The following CAMK4 variants were observed in gnomAD, a reference collection of about 807,000 sequenced individuals.
The protein encoded by CAMK4 is calcium/calmodulin dependent protein kinase IV.
Under a neutral mutation model 44.9 loss-of-function variants are expected in CAMK4, and 22 were observed. The observed-to-expected ratio is 0.49, with a 90% CI of 0.35 to 0.70. The LOEUF is 0.70. Ranked by LOEUF, CAMK4 falls within the 30% of genes least tolerant of loss-of-function variation. The pLI, the probability that CAMK4 is intolerant of heterozygous loss-of-function variation, is 0.01. For missense variants in CAMK4, 498 were observed against 586.8 expected, an observed-to-expected ratio of 0.85 and a Z score of 1.56; for synonymous variants, 218 against 215.4, an observed-to-expected ratio of 1.01 and a Z score of -0.11.
intron 1 of CAMK4, among the ~76,000 whole-genome samples, chr5:111,292,534 C>T (rs1747317463): frequency 6.6e-6 from 1 of 151,946 alleles, no homozygotes; most frequent in African/African-American, 2.4e-5. Context: ...ACTATAACCT[C>T]AGAAAAAGAC....
intron 5 of CAMK4, among the ~76,000 whole-genome samples, chr5:111,399,246 GT>G (rs1191810514): frequency 6.6e-6 from 1 of 152,110 alleles, no homozygotes; most frequent in Non-Finnish European, 1.5e-5. Context: ...CAGAGTAGTT[GT>G]CATTTCCTGC....
chr5:111,357,741 C>A (rs957211199), intron 2 of CAMK4, among the ~76,000 whole-genome samples: 1 of 152,070 alleles, frequency 6.6e-6, no homozygotes. Context: ...TATGTCATGT[C>A]ACTCACTTTA....
At chr5:111,326,512 A>C (rs1195820491) in intron 1 of CAMK4, among the ~76,000 whole-genome samples, 1 of 151,924 alleles carries the variant, frequency 6.6e-6, no homozygotes, top group Non-Finnish European at 1.5e-5. Flanking sequence ...ATTCTACAAA[A>C]GCCTTAAAAA....
At chr5:111,377,854 T>C (rs934951214) in intron 4 of CAMK4, among the ~76,000 whole-genome samples, 2 of 152,074 alleles carry the variant, frequency 1.3e-5, no homozygotes, top group African/African-American at 4.8e-5. Flanking sequence ...GAGGGAACCA[T>C]TGATGTACCC....
Position 111,493,614 on chromosome 5 carries a change from A to T in CAMK4, c.*9148A>T, listed in dbSNP as rs1281908595. ...GCTAAGTCTCAGGCAACAAAATTTA[A>T]AACCATCAGAACTTGTTTCTCCAAA... On this transcript the variant is annotated 3_prime_UTR_variant, in exon 11 of 11. Coordinates refer to ENST00000282356, the MANE Select transcript of CAMK4 (RefSeq NM_001744.6). The surrounding 1 kb of genome is among the most constrained non-coding windows in gnomAD (Gnocchi z 4.1). 1 of 152,188 alleles carries T rather than the reference A, an allele frequency of 6.6e-6. No individual in the cohort carries two copies. Among genetic ancestry groups the T allele is most frequent in the African/African-American group, 2.4e-5 (1 of 41,430 alleles). 9.4% of individuals were successfully genotyped at this position (152,188 alleles called of 1,614,324 possible).
At chr5:111,280,646 C>T (rs901368208) in intron 1 of CAMK4, among the ~76,000 whole-genome samples, 1 of 152,174 alleles carries the variant, frequency 6.6e-6, no homozygotes, top group Admixed American at 6.5e-5. Flanking sequence ...GATCTCCAAA[C>T]TGAAAGGTTT....
At chr5:111,433,368 T>C (rs1241029231) in intron 5 of CAMK4, among the ~76,000 whole-genome samples, 1 of 152,200 alleles carries the variant, frequency 6.6e-6, no homozygotes, top group South Asian at 2.1e-4. Flanking sequence ...AGCACTACAC[T>C]TGATGAAACT....
intron 1 of CAMK4, among the ~76,000 whole-genome samples, chr5:111,343,260 C>T (rs914418543): frequency 2.6e-5 from 4 of 151,576 alleles, no homozygotes; most frequent in South Asian, 2.1e-4. Flanking sequence ...ACCATGGGAC[C>T]GAGTATAAGA....
rs781124981 is a variant in CAMK4 at position 111,446,741 on chromosome 5, A to G, written c.515A>G (p.Tyr172Cys). 2 of 1,609,810 alleles carry G rather than the reference A, an allele frequency of 1.2e-6. No individual in the cohort carries two copies. The highest frequency in any genetic ancestry group is 1.7e-5 in the Admixed American group (1 of 59,914). The stretch of plus-strand genomic sequence containing the variant: ...GATCTCAAACCAGAGAATCTTCTTT[A>G]TGCAACTCCAGCCCCAGATGCACCA... ...HRDLKPENLL[Y>C]ATPAPDAPLK... The change falls in exon 6 of 11, where the codon TAT becomes TGT. Residue 172 changes from tyrosine to cysteine, a missense_variant. By Grantham distance (194) the Tyr-to-Cys change is radical. This residue lies in a region of CAMK4 where 203 missense variants were observed against 298.2 expected (regional missense o/e 0.68). Coordinates refer to ENST00000282356, the MANE Select transcript of CAMK4 (RefSeq NM_001744.6).
intron 1 of CAMK4, among the ~76,000 whole-genome samples, chr5:111,287,566 A>G (rs1311977414): frequency 1.3e-5 from 2 of 152,200 alleles, no homozygotes; most frequent in Non-Finnish European, 2.9e-5. Context: ...TACTAATACG[A>G]TAGTCATATT....
chr5:111,354,931 C>T (rs1328948597), intron 2 of CAMK4, among the ~76,000 whole-genome samples: 1 of 152,026 alleles, frequency 6.6e-6, no homozygotes, highest in African/African-American at 2.4e-5. Flanking sequence ...TGACAATGAG[C>T]CATGCATTTT....
intron 5 of CAMK4, among the ~76,000 whole-genome samples, chr5:111,413,107 A>T (rs1752687404): frequency 6.6e-6 from 1 of 152,138 alleles, no homozygotes; most frequent in Non-Finnish European, 1.5e-5. Context: ...TCCCAAGCTA[A>T]GCCTCAGTTT....
rs192653306 is a variant in CAMK4, at chr5:111,369,904, G to A, written c.241-4946G>A. 3.1e-3 allele frequency among the ~76,000 whole-genome samples: 472 copies of A among 152,058 alleles called. 4 individuals are homozygous for A. Among genetic ancestry groups the A allele is most frequent in the African/African-American group, 0.011 (443 of 41,476 alleles). ...TTGTGTTATTTTTTATTGTTGTTGG[G>A]ATTTACTTCCCAAATATTTTCCATC... On this transcript the variant is annotated intron_variant, in intron 2 of 10. Transcript: ENST00000282356.
At position 111,402,954 on chromosome 5, in the gene CAMK4, A is replaced by G. The variant is rs571810069; in HGVS notation, c.459+8172A>G. ...TACAGTTTCTCAATGTTTCGGTTTT[A>G]AATTATATGCCCTGTTACTTGAAGC... is the stretch of plus-strand genomic sequence containing the variant. On this transcript the variant is annotated intron_variant, in intron 5 of 10. Transcript: ENST00000282356. 1.1e-3 allele frequency among the ~76,000 whole-genome samples: 170 copies of G among 152,342 alleles called. 1 individual carries two copies. Among genetic ancestry groups the G allele is most frequent in the African/African-American group, 4.0e-3 (167 of 41,580 alleles).
intron 1 of CAMK4, among the ~76,000 whole-genome samples, chr5:111,252,719 A>G (rs1035534075): frequency 2.6e-5 from 4 of 152,188 alleles, no homozygotes; most frequent in African/African-American, 7.2e-5. Flanking sequence ...CTTTGACTCT[A>G]TTATTTGTGA....
chr5:111,287,782 C>T (rs1022961023), intron 1 of CAMK4, among the ~76,000 whole-genome samples: 2 of 152,120 alleles, frequency 1.3e-5, no homozygotes, highest in Admixed American at 6.6e-5. Context: ...TTAAAAATTA[C>T]ATCCTAACCT....
intron 1 of CAMK4, among the ~76,000 whole-genome samples, chr5:111,338,128 AT>A (rs1174427285): frequency 2.6e-5 from 4 of 151,082 alleles, no homozygotes; most frequent in African/African-American, 9.7e-5. Flanking sequence ...ATAATTATAT[AT>A]TTTTATAGTG....
intron 5 of CAMK4, among the ~76,000 whole-genome samples, chr5:111,406,873 T>A (rs1340409459): frequency 6.6e-6 from 1 of 152,240 alleles, no homozygotes; most frequent in Non-Finnish European, 1.5e-5. Flanking sequence ...GAATATGAGG[T>A]TATTTAATAG....
intron 9 of CAMK4, among the ~76,000 whole-genome samples, chr5:111,479,963 G>C (rs1407562735): frequency 6.6e-6 from 1 of 151,982 alleles, no homozygotes; most frequent in Non-Finnish European, 1.5e-5. Context: ...GATCCAGAGG[G>C]ATGGTCTTAT....
Sources: allele counts gnomAD v4.1 joint callset (sites outside exome capture counted in the v4.1 genomes callset), GRCh38; gene constraint gnomAD v4.1.1; regional missense constraint gnomAD v4.1.1; non-coding constraint Gnocchi (gnomAD v3.1); transcripts MANE v1.5; gene names NCBI Gene and HGNC (gene_info 2026-07-23, HGNC 2026-07-21).